The following WWP1 variants were observed in gnomAD, a reference collection of about 807,000 sequenced individuals.
WWP1 encodes WW domain containing E3 ubiquitin protein ligase 1.
WWP1 carries 49 observed loss-of-function variants against 130.6 expected under a neutral mutation model. The ratio of observed to expected loss-of-function variants is 0.38; its 90% CI spans 0.30 to 0.48. The LOEUF (loss-of-function observed/expected upper bound fraction) is 0.48. Among genes scored for constraint, WWP1 ranks in the 20% least tolerant of loss-of-function variants. The pLI is 0.99. For missense variants in WWP1, 809 were observed against 1,100.6 expected, an observed-to-expected ratio of 0.74 and a Z score of 3.75; for synonymous variants, 332 against 367.8, an observed-to-expected ratio of 0.90 and a Z score of 1.11.
At position 86,467,083 on chromosome 8, in the gene WWP1, A is replaced by G. The variant is rs1184480199; in HGVS notation, c.*190A>G. 1 of 473,158 alleles carries G rather than the reference A, an allele frequency of 2.1e-6. No individual in the cohort carries two copies. Among genetic ancestry groups the G allele is most frequent in the Non-Finnish European group, 3.7e-6 (1 of 270,880 alleles). 29.3% of individuals were successfully genotyped at this position (473,158 alleles called of 1,614,324 possible). On this transcript the variant is annotated 3_prime_UTR_variant, in exon 25 of 25. Transcript: ENST00000517970. ...TTCTACTTTATTTATTGTTCCCTTGAAATGACTGACCAGGAAAAAGATCAT... is the reference window on the plus strand; with the variant it reads ...TTCTACTTTATTTATTGTTCCCTTGGAATGACTGACCAGGAAAAAGATCAT...
chr8:86,366,505 TCTC>T (rs748501459), intron 1 of WWP1, among the ~76,000 whole-genome samples: 1 of 152,318 alleles, frequency 6.6e-6, no homozygotes, highest in Admixed American at 6.5e-5. Flanking sequence ...CCTCTTCCCT[TCTC>T]CTGACATGTA....
intron 5 of WWP1, among the ~76,000 whole-genome samples, chr8:86,385,816 A>G (rs1232271839): frequency 6.6e-6 from 1 of 152,200 alleles, no homozygotes; most frequent in African/African-American, 2.4e-5. Flanking sequence ...TAACAGAGAA[A>G]CTTGCTTATT....
chr8:86,411,468 G>A (rs1808580524), intron 8 of WWP1, 70 bp from the exon 9 acceptor site: 1 of 1,353,816 alleles, frequency 7.4e-7, no homozygotes. Flanking sequence ...AATAAGTGTA[G>A]TCAATTGATT....
At chr8:86,361,159 T>G (rs1355254914) in intron 1 of WWP1, among the ~76,000 whole-genome samples, 1 of 151,970 alleles carries the variant, frequency 6.6e-6, no homozygotes, top group East Asian at 1.9e-4. Flanking sequence ...AGGTTGGGAG[T>G]GAAGAGTGGG....
chr8:86,461,100 C>T (rs1367800650), intron 22 of WWP1, 124 bp from the exon 23 acceptor site: 18 of 874,392 alleles, frequency 2.1e-5, no homozygotes, highest in Admixed American at 1.2e-4. Context: ...TGAGCCACCA[C>T]GCCCAACCTT....
chr8:86,446,384 G>A (rs936958598), intron 18 of WWP1, among the ~76,000 whole-genome samples: 6 of 151,902 alleles, frequency 3.9e-5, no homozygotes, highest in Admixed American at 3.9e-4. Context: ...ATGAATTCTA[G>A]ATATTAGACC....
At chr8:86,358,437 TTGTG>T (rs1329903436) in intron 1 of WWP1, among the ~76,000 whole-genome samples, 12 of 151,990 alleles carry the variant, frequency 7.9e-5, no homozygotes, top group African/African-American at 2.7e-4. Flanking sequence ...GTTTTATTAA[TTGTG>T]TATCTGTGTA....
chr8:86,449,769 TG>T (rs1441318248), intron 20 of WWP1, among the ~76,000 whole-genome samples: 1 of 152,256 alleles, frequency 6.6e-6, no homozygotes, highest in African/African-American at 2.4e-5. Flanking sequence ...TCAGATTTTT[TG>T]TTTTTTATAT....
At position 86,356,318 on chromosome 8, in the gene WWP1, A is replaced by G. The variant is rs150966036; in HGVS notation, c.-114-12621A>G. Among the ~76,000 whole-genome samples the G allele has an allele frequency of 9.9e-3, 1,503 of 152,166 alleles. 28 individuals carry two copies. Among genetic ancestry groups the G allele is most frequent in the African/African-American group, 0.035 (1,433 of 41,530 alleles). On this transcript the variant is annotated intron_variant, in intron 1 of 24. Transcript: ENST00000517970. ...GTTGATTCTGTAAGTTTGGAACCCA[A>G]GTTTTAATGTTCTTAGAATCATATT...
chr8:86,371,040 ATT>A (rs34031275), intron 2 of WWP1, among the ~76,000 whole-genome samples: 18 of 96,910 alleles, frequency 1.9e-4, no homozygotes, highest in African/African-American at 1.9e-4. Context: ...TAATTTTTGT[ATT>A]TTTTTTTTTT....
At chr8:86,422,470 G>A (rs1027032614) in intron 9 of WWP1, among the ~76,000 whole-genome samples, 4 of 151,580 alleles carry the variant, frequency 2.6e-5, no homozygotes, top group Admixed American at 2.6e-4. Context: ...AGCAGTTATC[G>A]TGCATCAGCA....
chr8:86,362,931 T>G (rs1464561483), intron 1 of WWP1, among the ~76,000 whole-genome samples: 1 of 152,214 alleles, frequency 6.6e-6, no homozygotes, highest in East Asian at 1.9e-4. Flanking sequence ...TATTTAACTT[T>G]CATTATTGAA....
At chr8:86,343,070 G>C (rs1194758839) in intron 1 of WWP1, 140 bp downstream of exon 1, 1 of 287,262 alleles carries the variant, frequency 3.5e-6, no homozygotes, top group Non-Finnish European at 6.4e-6. Context: ...GTCGGGGGAC[G>C]GTCCGCCCTA....
chr8:86,350,379 T>C (rs1459491436), intron 1 of WWP1, among the ~76,000 whole-genome samples: 1 of 152,196 alleles, frequency 6.6e-6, no homozygotes, highest in Non-Finnish European at 1.5e-5. Flanking sequence ...AGTGGAGTAG[T>C]GAATGCATTT....
At position 86,468,449 on chromosome 8, in the gene WWP1, A is replaced by G. The variant is rs944573595; in HGVS notation, c.*1556A>G. ...CTAAAGAATTAAAAAAAAAATTCTA[A>G]TGTATGTGACAGGTTATGTGATAGA... is the stretch of plus-strand genomic sequence containing the variant. On this transcript the variant is annotated 3_prime_UTR_variant, in exon 25 of 25. Coordinates refer to ENST00000517970, the MANE Select transcript of WWP1 (RefSeq NM_007013.4). The G allele has an allele frequency of 2.3e-6, 1 of 438,322 alleles. No individual in the cohort carries two copies. The highest frequency in any genetic ancestry group is 4.5e-6 in the Non-Finnish European group (1 of 222,456). 27.2% of individuals were successfully genotyped at this position (438,322 alleles called of 1,614,324 possible).
chr8:86,355,066 C>T (rs190676583), intron 1 of WWP1, among the ~76,000 whole-genome samples: 9 of 152,162 alleles, frequency 5.9e-5, no homozygotes, highest in East Asian at 3.9e-4. Context: ...TAGGTCTGTC[C>T]GACTTGAAAA....
At chr8:86,356,448 T>A (rs911846514) in intron 1 of WWP1, among the ~76,000 whole-genome samples, 1 of 150,774 alleles carries the variant, frequency 6.6e-6, no homozygotes, top group African/African-American at 2.4e-5. Context: ...TTTATATATA[T>A]ATTTTTTTTT....
At position 86,442,785 on chromosome 8, in the gene WWP1, TC is replaced by T; in HGVS notation, c.1998+9del. 1 of 1,589,808 alleles carries T rather than the reference TC, an allele frequency of 6.3e-7. No individual in the cohort carries two copies. The highest frequency in any genetic ancestry group is 8.5e-7 in the Non-Finnish European group (1 of 1,173,198). On this transcript the variant is annotated splice_region_variant and intron_variant, in intron 18 of 24. Coordinates refer to ENST00000517970, the MANE Select transcript of WWP1 (RefSeq NM_007013.4). ...TGGTCGTTTTATTGCCATGGTGAGT[TC>T]CTGACTTTATTATTATTTATTTAAG... is the stretch of plus-strand genomic sequence containing the variant.
chr8:86,438,747 A>T, intron 17 of WWP1, 74 bp downstream of exon 17: 1 of 1,196,388 alleles, frequency 8.4e-7, no homozygotes, highest in African/African-American at 1.5e-5. Context: ...TCTTCAAAAC[A>T]TATGTGAATA....
Sources: allele counts gnomAD v4.1 joint callset (sites outside exome capture counted in the v4.1 genomes callset), GRCh38; gene constraint gnomAD v4.1.1; transcripts MANE v1.5; gene names NCBI Gene and HGNC (gene_info 2026-07-23, HGNC 2026-07-21).